The following COL6A5 variants were observed in gnomAD, a reference collection of about 807,000 sequenced individuals.
COL6A5 encodes the protein collagen type VI alpha 5 chain.
Under a neutral mutation model 65.6 loss-of-function variants are expected in COL6A5, and 48 were observed. That is an observed-to-expected ratio of 0.73 (90% CI 0.58 to 0.93). The LOEUF is 0.93. Among genes scored for constraint, COL6A5 ranks in the 40% least tolerant of loss-of-function variants. The probability of loss-of-function intolerance (pLI) is 0.00; values close to 1 mark genes in which losing one functional copy is unlikely to be tolerated. For synonymous variants in COL6A5, 291 were observed against 322.8 expected, an observed-to-expected ratio of 0.90 and a Z score of 1.05; for missense variants, 914 against 928.3, an observed-to-expected ratio of 0.98 and a Z score of 0.20.
At chr3:130,469,132 C>T in exon 6 of COL6A5, 1 of 1,612,974 alleles carries the variant, frequency 6.2e-7, no homozygotes, top group Non-Finnish European at 8.5e-7. Context: ...ATCTCCAAGA[C>T]TCTCAACAGC....
rs528217698 is a variant in COL6A5 at position 130,424,335 on chromosome 3, C to T, written c.5163+435C>T. 1.8e-4 allele frequency among the ~76,000 whole-genome samples: 28 copies of T among 152,162 alleles called. 1 individual carries two copies. In the South Asian group the frequency reaches 5.6e-3, roughly 30 times the overall value. On this transcript the variant is annotated intron_variant and NMD_transcript_variant, in intron 29 of 41. Transcript: ENST00000312481. ...CTTCAGAGAGATTTGGAAATATAGGCGCAACTTCCCCTATGATTCTATTAC... is the reference window on the plus strand; with the variant it reads ...CTTCAGAGAGATTTGGAAATATAGGTGCAACTTCCCCTATGATTCTATTAC...
intron 5 of COL6A5, among the ~76,000 whole-genome samples, chr3:130,465,716 A>G (rs1709799866): frequency 6.6e-6 from 1 of 152,140 alleles, no homozygotes; most frequent in African/African-American, 2.4e-5. Flanking sequence ...AGAAAAGCAC[A>G]AAACATAATG....
At chr3:130,383,348 A>G (rs1249019206) in intron 4 of COL6A5, among the ~76,000 whole-genome samples, 1 of 152,054 alleles carries the variant, frequency 6.6e-6, no homozygotes, top group African/African-American at 2.4e-5. Flanking sequence ...CGTGTATTGG[A>G]TAGCACAGCC....
intron 12 of COL6A5, 69 bp downstream of exon 12, chr3:130,401,923 G>A: frequency 8.7e-7 from 1 of 1,148,558 alleles, no homozygotes; most frequent in Non-Finnish European, 1.3e-6. Context: ...CTGAGACTGA[G>A]TGGTTGAATT....
At chr3:130,369,189 T>C (rs563808859) in intron 1 of COL6A5, among the ~76,000 whole-genome samples, 2 of 152,304 alleles carry the variant, frequency 1.3e-5, no homozygotes, top group African/African-American at 4.8e-5. Flanking sequence ...CTGACCTTTA[T>C]TTCTTACCAT....
intron 7 of COL6A5, among the ~76,000 whole-genome samples, chr3:130,480,208 T>C (rs2107626731): frequency 6.6e-6 from 1 of 152,170 alleles, no homozygotes; most frequent in South Asian, 2.1e-4. Context: ...TCCATTTTAT[T>C]AATAAATGTA....
At chr3:130,397,918 G>A (rs978899965) in exon 9 of COL6A5, 1 of 1,550,032 alleles carries the variant, frequency 6.5e-7, no homozygotes, top group Non-Finnish European at 8.7e-7. Context: ...TGCATCCCGG[G>A]GCCAGGTATC....
chr3:130,401,052 T>C, exon 11 of COL6A5: 1 of 1,549,470 alleles, frequency 6.5e-7, no homozygotes, highest in Non-Finnish European at 8.7e-7. Context: ...CTGCTGGTAG[T>C]GTCCCTTAAC....
chr3:130,484,751 G>C, exon 8 of COL6A5: 1 of 398,796 alleles, frequency 2.5e-6, no homozygotes, highest in Non-Finnish European at 4.4e-6. Flanking sequence ...AAAGAATTAC[G>C]GAAAAGCACA....
At chr3:130,362,272 T>TCTCTCTCTCTCTCTCTC (rs1553744426) in intron 1 of COL6A5, among the ~76,000 whole-genome samples, 13 of 14,626 alleles carry the variant, frequency 8.9e-4, no homozygotes, top group African/African-American at 2.0e-3. Flanking sequence ...CTCTCTCTCT[T>TCTCTCTCTCTCTCTCTC]TGTCTCTGTC....
chr3:130,413,842 T>A lies in COL6A5; in HGVS notation c.4699-227T>A, dbSNP rs563022191. Among the ~76,000 whole-genome samples the A allele has an allele frequency of 4.6e-5, 7 of 151,620 alleles. No individual in the cohort carries two copies. The South Asian group carries it at 1.5e-3, about 32-fold the overall frequency. On this transcript the variant is annotated intron_variant and NMD_transcript_variant, in intron 21 of 41. Transcript: ENST00000312481. ...ATATTGTGCATTTGACTGCTCTTCATGTGCTTTGGGAATCAACTTCAAGAG... is the reference window on the plus strand; with the variant it reads ...ATATTGTGCATTTGACTGCTCTTCAAGTGCTTTGGGAATCAACTTCAAGAG...
At chr3:130,345,722 G>A in exon 1 of COL6A5, 1 of 398,730 alleles carries the variant, frequency 2.5e-6, no homozygotes, top group Non-Finnish European at 4.4e-6. Flanking sequence ...GAAGAGCCAG[G>A]CCAAGGGCAC....
At chr3:130,356,985 CA>C (rs1332449611) in intron 1 of COL6A5, among the ~76,000 whole-genome samples, 1 of 152,002 alleles carries the variant, frequency 6.6e-6, no homozygotes, top group East Asian at 1.9e-4. Context: ...TAAAAATAAA[CA>C]CAGAAAATTG....
intron 1 of COL6A5, among the ~76,000 whole-genome samples, chr3:130,369,272 A>G (rs989958173): frequency 1.3e-5 from 2 of 152,190 alleles, no homozygotes; most frequent in Admixed American, 1.3e-4. Flanking sequence ...TCAGAATGCT[A>G]TACTTTGCCA....
chr3:130,369,245 A>G (rs564327794), intron 1 of COL6A5, among the ~76,000 whole-genome samples: 1 of 152,322 alleles, frequency 6.6e-6, no homozygotes, highest in East Asian at 1.9e-4. Context: ...AGAGAAAGAT[A>G]AATTAAACTT....
intron 1 of COL6A5, among the ~76,000 whole-genome samples, chr3:130,353,237 C>A (rs1390187738): frequency 6.6e-6 from 1 of 152,128 alleles, no homozygotes; most frequent in Non-Finnish European, 1.5e-5. Flanking sequence ...TATGTAGGAG[C>A]ACTCCCTGTT....
At position 130,358,880 on chromosome 3, in the gene COL6A5, G is replaced by A. The variant is rs574236609; in HGVS notation, c.-29+12899G>A. Reference sequence around the variant, plus strand: ...CTTCCACTGTGCAATGTTGTTTATTGCAACATTGTTTGGAATTGTGAAAAA... The same window carrying A: ...CTTCCACTGTGCAATGTTGTTTATTACAACATTGTTTGGAATTGTGAAAAA... On this transcript the variant is annotated intron_variant and NMD_transcript_variant, in intron 1 of 41. Transcript: ENST00000312481. Among the ~76,000 whole-genome samples the A allele has an allele frequency of 2.0e-5, 3 of 152,116 alleles. No homozygotes were observed. The East Asian group carries it at 5.8e-4, about 29-fold the overall frequency.
intron 1 of COL6A5, among the ~76,000 whole-genome samples, chr3:130,371,234 T>G (rs928097261): frequency 2.6e-5 from 4 of 151,800 alleles, no homozygotes; most frequent in Admixed American, 2.6e-4. Flanking sequence ...ATTAAGATGC[T>G]AAAACTCCAT....
At chr3:130,386,771 G>C (rs1936203424) in intron 5 of COL6A5, among the ~76,000 whole-genome samples, 1 of 152,032 alleles carries the variant, frequency 6.6e-6, no homozygotes, top group Non-Finnish European at 1.5e-5. Flanking sequence ...AGTTGAAGTA[G>C]TCAGCCTGAG....
Sources: gnomAD v4.1 joint callset for allele counts (sites outside exome capture counted in the v4.1 genomes callset) on GRCh38, gnomAD v4.1.1 for gene constraint, MANE v1.5 for transcripts, NCBI Gene and HGNC (gene_info 2026-07-23, HGNC 2026-07-21) for gene names.